The following PTK2 variants were observed in gnomAD, a reference collection of about 807,000 sequenced individuals.
PTK2 encodes focal adhesion kinase 1.
In PTK2, 45 loss-of-function variants were observed where a neutral mutation model predicts 150.1. The observed-to-expected ratio is 0.30, with a 90% CI of 0.24 to 0.38. The LOEUF is 0.38. Among genes scored for constraint, PTK2 ranks in the 10% least tolerant of loss-of-function variants. The probability of loss-of-function intolerance (pLI) is 1.00; values close to 1 mark genes in which losing one functional copy is unlikely to be tolerated. For synonymous variants in PTK2, 432 were observed against 449.2 expected (o/e 0.96, Z 0.48); for missense variants, 919 against 1,307.3 (o/e 0.70, Z 4.58).
intron 23 of PTK2, among the ~76,000 whole-genome samples, chr8:140,709,766 T>A (rs537136364): frequency 3.3e-5 from 5 of 152,220 alleles, no homozygotes; most frequent in Non-Finnish European, 7.3e-5. Context: ...TGGATTTTAA[T>A]GAAGCAAAAT....
intron 8 of PTK2, among the ~76,000 whole-genome samples, chr8:140,828,576 T>G (rs1325431549): frequency 6.6e-6 from 1 of 152,220 alleles, no homozygotes; most frequent in Non-Finnish European, 1.5e-5. Flanking sequence ...TGAAAACCCC[T>G]GACCAATACT....
chr8:140,682,245 G>A lies in PTK2; in HGVS notation c.2562+4387C>T, dbSNP rs148714733. On this transcript the variant is annotated intron_variant, in intron 27 of 31. Transcript: ENST00000522684. ...AAAAATTCAAAAATTAGATGGACGT[G>A]GTGGCACGTGCCTGTAGTCCTAGCT... Among the ~76,000 whole-genome samples, 686 of 152,266 alleles carry A rather than the reference G, an allele frequency of 4.5e-3. 6 individuals are homozygous for A. The Middle Eastern group carries it at 0.054, about 12-fold the overall frequency.
chr8:140,968,990 C>T (rs114231173), intron 1 of PTK2, among the ~76,000 whole-genome samples: 7 of 152,068 alleles, frequency 4.6e-5, no homozygotes, highest in African/African-American at 9.7e-5. Context: ...AAGCAGTTTG[C>T]GAAGTGAACA....
rs150114499 is a variant in PTK2, at chr8:140,754,499, C to A, written c.1333-2183G>T. Among the ~76,000 whole-genome samples, 685 of 152,144 alleles carry A rather than the reference C, an allele frequency of 4.5e-3. 4 individuals are homozygous for A. Among genetic ancestry groups the A allele is most frequent in the African/African-American group, 0.016 (648 of 41,512 alleles). On this transcript the variant is annotated intron_variant, in intron 16 of 31. Coordinates refer to ENST00000522684, the Ensembl canonical transcript of PTK2. ...ATGGCTGGTATACTGTAAAACTGAC[C>A]GAAAATGTCCATTTTATAGACGATC...
At chr8:140,672,839 G>A (rs907252711) in intron 29 of PTK2, among the ~76,000 whole-genome samples, 3 of 152,236 alleles carry the variant, frequency 2.0e-5, no homozygotes, top group African/African-American at 7.2e-5. Context: ...AGCCAAGCCT[G>A]CGGCCAAGCA....
chr8:140,998,744 G>A (rs2100198775), intron 1 of PTK2, among the ~76,000 whole-genome samples: 1 of 151,432 alleles, frequency 6.6e-6, no homozygotes, highest in South Asian at 2.1e-4. Flanking sequence ...GCATGAACCC[G>A]GGCAGTGGAG....
At chr8:140,957,105 A>T (rs75841731) in intron 1 of PTK2, among the ~76,000 whole-genome samples, 1,633 of 152,198 alleles carry the variant, frequency 0.011, 30 homozygotes, top group East Asian at 0.095. Flanking sequence ...TTAAAATTTT[A>T]AAAAAATACA....
intron 7 of PTK2, among the ~76,000 whole-genome samples, chr8:140,836,812 T>C (rs553312220): frequency 2.6e-4 from 39 of 152,224 alleles, no homozygotes; most frequent in African/African-American, 9.4e-4. Context: ...GAAACAACTA[T>C]ACAAACCACT....
chr8:140,884,934 C>T (rs1304550225), intron 3 of PTK2, among the ~76,000 whole-genome samples: 1 of 152,148 alleles, frequency 6.6e-6, no homozygotes, highest in Non-Finnish European at 1.5e-5. Context: ...TCCCTACTGA[C>T]TCATGACTAG....
chr8:140,731,422 T>C (rs896666875), intron 22 of PTK2, among the ~76,000 whole-genome samples: 1 of 152,150 alleles, frequency 6.6e-6, no homozygotes, highest in African/African-American at 2.4e-5. Flanking sequence ...CACTGGCAGG[T>C]TAATCTCATT....
intron 14 of PTK2, among the ~76,000 whole-genome samples, chr8:140,767,334 T>C (rs1347383447): frequency 6.6e-6 from 1 of 152,064 alleles, no homozygotes; most frequent in Non-Finnish European, 1.5e-5. Context: ...GAATTACTTA[T>C]ATTTGGGTTG....
intron 1 of PTK2, among the ~76,000 whole-genome samples, chr8:140,929,991 C>G (rs1444009016): frequency 6.6e-6 from 1 of 152,066 alleles, no homozygotes; most frequent in East Asian, 1.9e-4. Context: ...GAGTCCCATC[C>G]CATAAGGAGT....
At chr8:140,840,372 C>T (rs1178621954) in intron 7 of PTK2, among the ~76,000 whole-genome samples, 1 of 152,048 alleles carries the variant, frequency 6.6e-6, no homozygotes, top group Non-Finnish European at 1.5e-5. Context: ...GAAATAAAAT[C>T]ATATACATGT....
chr8:140,901,277 G>T (rs959329961), intron 2 of PTK2, among the ~76,000 whole-genome samples: 1 of 151,970 alleles, frequency 6.6e-6, no homozygotes, highest in Non-Finnish European at 1.5e-5. Flanking sequence ...AATCCACATG[G>T]AATTAAAGAC....
intron 1 of PTK2, among the ~76,000 whole-genome samples, chr8:140,973,118 C>A (rs370635612): frequency 6.6e-6 from 1 of 152,194 alleles, no homozygotes; most frequent in Non-Finnish European, 1.5e-5. Flanking sequence ...ATAATAATTT[C>A]TTGAACTCCC....
chr8:140,735,750 C>T (rs867986332), intron 21 of PTK2, among the ~76,000 whole-genome samples: 1 of 152,170 alleles, frequency 6.6e-6, no homozygotes, highest in Non-Finnish European at 1.5e-5. Flanking sequence ...AGTGGTACTT[C>T]GTGGCTTAAT....
At chr8:140,746,894 T>A in intron 17 of PTK2, 34 bp from the exon 21 acceptor site, 11 of 593,158 alleles carry the variant, frequency 1.9e-5, no homozygotes, top group Non-Finnish European at 2.4e-5. Flanking sequence ...TATTCTTTCT[T>A]TTTTTTTTTT....
chr8:140,727,918 G>A (rs901280410), intron 22 of PTK2, among the ~76,000 whole-genome samples: 1 of 152,104 alleles, frequency 6.6e-6, no homozygotes, highest in Non-Finnish European at 1.5e-5. Flanking sequence ...AAAGACGGCC[G>A]GGCGCGGTGG....
chr8:140,986,903 C>A (rs2100193460), intron 1 of PTK2, among the ~76,000 whole-genome samples: 1 of 152,128 alleles, frequency 6.6e-6, no homozygotes, highest in South Asian at 2.1e-4. Context: ...AAAGTAAAAT[C>A]TAAAACTTCT....
Sources: allele counts gnomAD v4.1 joint callset (sites outside exome capture counted in the v4.1 genomes callset), GRCh38; gene constraint gnomAD v4.1.1; transcripts MANE v1.5; gene names NCBI Gene and HGNC (gene_info 2026-07-23, HGNC 2026-07-21).